NICOL1: variants seen among roughly 807,000 people sequenced by gnomAD.
The protein encoded by NICOL1 is NELL2 interacting cell ontogeny regulator 1.
At chr4:2,039,633 G>A in the NICOL1 span, among the ~76,000 whole-genome samples, 1 of 151,400 alleles carries the variant, frequency 6.6e-6, no homozygotes. Context: ...TCAGGAGTTC[G>A]AGACCAGCCT....
At chr4:2,042,648 G>T in the NICOL1 span, 2 of 706,940 alleles carry the variant, frequency 2.8e-6, no homozygotes, top group Non-Finnish European at 4.4e-6. Context: ...TGCGCTCTTT[G>T]GCACTGGGTG....
chr4:2,042,710 T>C, the NICOL1 span: 4 of 1,140,120 alleles, frequency 3.5e-6, no homozygotes, highest in Non-Finnish European at 5.0e-6. Flanking sequence ...CTGCGCCCCC[T>C]CCACCCTGAC....
At chr4:2,037,287 G>A in the NICOL1 span, among the ~76,000 whole-genome samples, 3 of 152,200 alleles carry the variant, frequency 2.0e-5, no homozygotes, top group African/African-American at 7.2e-5. Flanking sequence ...CAGAGATGGG[G>A]TTTTGCCATG....
chr4:2,043,786 C>T, the NICOL1 span: 3 of 1,321,166 alleles, frequency 2.3e-6, no homozygotes, highest in Middle Eastern at 1.9e-4. Context: ...ATAGGGCTGC[C>T]TTGGGTGGGT....
At chr4:2,038,380 T>C in the NICOL1 span, among the ~76,000 whole-genome samples, 2 of 150,808 alleles carry the variant, frequency 1.3e-5, no homozygotes, top group Non-Finnish European at 3.0e-5. Flanking sequence ...CTCGAACTCC[T>C]AGGCTAAAGG....
chr4:2,036,675 G>C, the NICOL1 span, among the ~76,000 whole-genome samples: 1 of 152,142 alleles, frequency 6.6e-6, no homozygotes, highest in African/African-American at 2.4e-5. Flanking sequence ...GGTATAACTC[G>C]GATCAGTTAG....
the NICOL1 span, chr4:2,042,280 G>T: frequency 2.2e-6 from 2 of 916,154 alleles, no homozygotes; most frequent in Non-Finnish European, 3.0e-6. Flanking sequence ...GGGCTCACCG[G>T]CCCGGGGCGG....
At chr4:2,043,548 C>T in the NICOL1 span, among the ~76,000 whole-genome samples, 1 of 152,184 alleles carries the variant, frequency 6.6e-6, no homozygotes, top group Admixed American at 6.5e-5. Context: ...GCAGCCCCCA[C>T]CTATCCTTAG....
At chr4:2,042,607 G>T in the NICOL1 span, 1 of 530,936 alleles carries the variant, frequency 1.9e-6, no homozygotes, top group Non-Finnish European at 3.2e-6. Flanking sequence ...CCTCCCCTTC[G>T]CGGGAGATGG....
At chr4:2,042,739 G>A in the NICOL1 span, 20 of 1,511,152 alleles carry the variant, frequency 1.3e-5, no homozygotes, top group Non-Finnish European at 1.7e-5. Context: ...CCCGCAGGCC[G>A]CCCATGCGTG....
the NICOL1 span, chr4:2,042,304 C>A: frequency 8.4e-6 from 6 of 713,456 alleles, no homozygotes; most frequent in Middle Eastern, 4.2e-4. Flanking sequence ...GGGCGGGCGC[C>A]GCTGACCCCT....
the NICOL1 span, chr4:2,042,843 A>G: frequency 6.8e-7 from 1 of 1,471,058 alleles, no homozygotes. Flanking sequence ...CCGCGGCGCG[A>G]CGGTCCTCCC....
At chr4:2,038,450 G>T in the NICOL1 span, among the ~76,000 whole-genome samples, 1 of 151,328 alleles carries the variant, frequency 6.6e-6, no homozygotes, top group Non-Finnish European at 1.5e-5. Flanking sequence ...ACCACATTCA[G>T]ATACTTTTTA....
chr4:2,039,010 G>A, the NICOL1 span, among the ~76,000 whole-genome samples: 8 of 152,190 alleles, frequency 5.3e-5, no homozygotes, highest in Non-Finnish European at 1.0e-4. Context: ...TTAAATAAGC[G>A]AAATGTGTGA....
the NICOL1 span, among the ~76,000 whole-genome samples, chr4:2,040,909 C>A: frequency 6.6e-6 from 1 of 151,150 alleles, no homozygotes; most frequent in Non-Finnish European, 1.5e-5. Flanking sequence ...GCTCTGACCA[C>A]GCGAGAAGCA....
the NICOL1 span, chr4:2,042,034 C>G: frequency 6.8e-7 from 1 of 1,476,860 alleles, no homozygotes; most frequent in Non-Finnish European, 8.9e-7. Context: ...CTGCCGGTGT[C>G]CCCGCGCTGC....
the NICOL1 span, chr4:2,042,399 G>A: frequency 2.0e-6 from 1 of 503,740 alleles, no homozygotes. Flanking sequence ...CGCCGCCGCC[G>A]CCGCTGCTGC....
chr4:2,042,834 C>T, the NICOL1 span: 6 of 1,474,546 alleles, frequency 4.1e-6, no homozygotes, highest in Non-Finnish European at 5.4e-6. Flanking sequence ...GGTGAGCGCC[C>T]GCGGCGCGAC....
the NICOL1 span, among the ~76,000 whole-genome samples, chr4:2,041,244 C>T: frequency 6.6e-6 from 1 of 151,876 alleles, no homozygotes; most frequent in South Asian, 2.1e-4. Context: ...GGGCCTGGCT[C>T]CGACGGCTGG....
Sources: gnomAD v4.1 joint callset for allele counts (sites outside exome capture counted in the v4.1 genomes callset) on GRCh38, gnomAD v4.1.1 for gene constraint, MANE v1.5 for transcripts, NCBI Gene and HGNC (gene_info 2026-07-23, HGNC 2026-07-21) for gene names.